POU2F2: variants seen among roughly 807,000 people sequenced by gnomAD.
POU2F2 encodes POU class 2 homeobox 2, also known as POU domain, class 2, transcription factor 2.
In POU2F2, 14 loss-of-function variants were observed where a neutral mutation model predicts 63.5. The observed-to-expected ratio is 0.22, with a 90% CI of 0.15 to 0.34. The LOEUF (loss-of-function observed/expected upper bound fraction) is 0.34. Ranked by LOEUF, POU2F2 falls within the 10% of genes least tolerant of loss-of-function variation. POU2F2 has a pLI of 1.00. For synonymous variants in POU2F2, 306 were observed against 348.6 expected, an observed-to-expected ratio of 0.88 and a Z score of 1.36; for missense variants, 607 against 815.2, an observed-to-expected ratio of 0.74 and a Z score of 3.11.
intron 1 of POU2F2, 151 bp downstream of exon 1, chr19:42,132,232 CG>C (rs2033813618): frequency 3.7e-6 from 3 of 811,594 alleles, no homozygotes; most frequent in Admixed American, 3.5e-5. Flanking sequence ...TGGGGGTTAG[CG>C]GGGACCCGGC....
chr19:42,155,143 C>T lies in POU2F2; in HGVS notation c.-9+5189G>A, dbSNP rs1296013588. On this transcript the variant is annotated intron_variant, in intron 2 of 6. Coordinates refer to the POU2F2 transcript ENST00000524801. This position sits in a 1 kb window ranked among gnomAD's most constrained non-coding sequence, Gnocchi z 4.2. ...CCACCTGCCTCAGCTGCAGCTGCCC[C>T]GCACTGTTTTTTCTTTCTCATTGTC... Among the ~76,000 whole-genome samples the T allele has an allele frequency of 6.6e-6, 1 of 152,208 alleles. No individual in the cohort carries two copies. Among genetic ancestry groups the T allele is most frequent in the Non-Finnish European group, 1.5e-5 (1 of 68,030 alleles).
chr19:42,088,725 A>G lies in POU2F2; in HGVS notation c.*2532T>C, dbSNP rs1304042705. The G allele has an allele frequency of 6.6e-6, 1 of 152,448 alleles. No individual in the cohort carries two copies. Among genetic ancestry groups the G allele is most frequent in the Non-Finnish European group, 1.5e-5 (1 of 67,972 alleles). 9.4% of individuals were successfully genotyped at this position (152,448 alleles called of 1,614,324 possible). ...TGCCAGTCCCTTCTCTCTTCAGGAAATAAACATGGACAAACTCAGAGGTAG... is the reference window on the plus strand; with the variant it reads ...TGCCAGTCCCTTCTCTCTTCAGGAAGTAAACATGGACAAACTCAGAGGTAG... On this transcript the variant is annotated 3_prime_UTR_variant, in exon 15 of 15. Coordinates refer to ENST00000692977, the MANE Select transcript of POU2F2 (RefSeq NM_001394376.1).
chr19:42,143,911 T>C (rs1568412143), intron 2 of POU2F2, among the ~76,000 whole-genome samples: 1 of 152,132 alleles, frequency 6.6e-6, no homozygotes. Flanking sequence ...CTCTACCAGG[T>C]TGCACTTTCT....
chr19:42,190,396 T>A (rs2035063054), intron 1 of POU2F2, among the ~76,000 whole-genome samples: 1 of 151,876 alleles, frequency 6.6e-6, no homozygotes, highest in Admixed American at 6.6e-5. Context: ...ACTGAAAGGG[T>A]AGGGTTGTAG....
At chr19:42,173,390 C>T (rs567339323) in intron 1 of POU2F2, among the ~76,000 whole-genome samples, 27 of 152,206 alleles carry the variant, frequency 1.8e-4, no homozygotes, top group African/African-American at 6.3e-4. Context: ...TATGATTATG[C>T]ACCAGGGCTA....
Position 42,099,806 on chromosome 19 carries a change from G to C in POU2F2, c.385C>G (p.Leu129Val). 1 of 1,570,688 alleles carries C rather than the reference G, an allele frequency of 6.4e-7. No homozygotes were observed. The highest frequency in any genetic ancestry group is 8.6e-7 in the Non-Finnish European group (1 of 1,156,792). The change falls in exon 6 of 15, where the codon CTC becomes GTC. Residue 129 changes from leucine to valine, a missense_variant. Physicochemically the swap from Leu to Val is conservative, Grantham distance 32 (BLOSUM62 1). Transcript: ENST00000692977. ...SQLAGDIQQL[L>V]QLQQLVLVPG... ...ACAAGCACCAGCTGCTGGAGCTGGAGGAGCTGCTGTATGTCCTGGCAGGGA... is the reference window on the plus strand; with the variant it reads ...ACAAGCACCAGCTGCTGGAGCTGGACGAGCTGCTGTATGTCCTGGCAGGGA...
intron 4 of POU2F2, among the ~76,000 whole-genome samples, chr19:42,119,140 A>C (rs1249470978): frequency 6.7e-6 from 1 of 149,824 alleles, no homozygotes; most frequent in African/African-American, 2.5e-5. Flanking sequence ...AAAAAGAGAG[A>C]GAGAGAGGTT....
rs116520866 is a variant in POU2F2, at chr19:42,128,331, T to A, written c.28+4053A>T. ...AACCCTAACTTAAATCTTTAAGGTA[T>A]GATTTCCTCTGCAGAGACTGTGGCT... is the stretch of plus-strand genomic sequence containing the variant. On this transcript the variant is annotated intron_variant, in intron 1 of 14. Transcript: ENST00000692977. Among the ~76,000 whole-genome samples, 1,197 of 152,328 alleles carry A rather than the reference T, an allele frequency of 7.9e-3. 16 individuals carry two copies. Among genetic ancestry groups the A allele is most frequent in the African/African-American group, 0.028 (1,146 of 41,566 alleles).
chr19:42,146,032 CA>C (rs1004458482), intron 2 of POU2F2, among the ~76,000 whole-genome samples: 628 of 49,756 alleles, frequency 0.013, 1 homozygote, highest in African/African-American at 0.021. Context: ...GACTCCGTCT[CA>C]AAAAAAAAAA....
chr19:42,129,412 C>A (rs1032551481), intron 1 of POU2F2, among the ~76,000 whole-genome samples: 6 of 152,116 alleles, frequency 3.9e-5, no homozygotes, highest in African/African-American at 1.4e-4. Flanking sequence ...TGCCCGACTG[C>A]CCCAGGCCTG....
In POU2F2 at chr19:42,144,991, G is replaced by A. The variant is rs560637241; in HGVS notation, c.-9+15341C>T. ...AACTTTAGAGTCACATAAATAGGTA[G>A]TTAAGTCCCAGCTGTGGGGCTAGGT... On this transcript the variant is annotated intron_variant, in intron 2 of 6. Coordinates refer to the POU2F2 transcript ENST00000524801. Among the ~76,000 whole-genome samples the A allele has an allele frequency of 1.1e-4, 17 of 152,380 alleles. No homozygotes were observed. In the South Asian group the frequency reaches 2.7e-3, roughly 24 times the overall value.
At chr19:42,129,247 C>T (rs2033480336) in intron 1 of POU2F2, among the ~76,000 whole-genome samples, 1 of 152,268 alleles carries the variant, frequency 6.6e-6, no homozygotes, top group South Asian at 2.1e-4. Flanking sequence ...CACCCCTCAT[C>T]ATAGGTAATG....
At chr19:42,188,047 G>C (rs945470475) in intron 1 of POU2F2, among the ~76,000 whole-genome samples, 1 of 151,976 alleles carries the variant, frequency 6.6e-6, no homozygotes, top group Admixed American at 6.6e-5. Context: ...AAAAGTGATG[G>C]GATATTACTT....
intron 2 of POU2F2, among the ~76,000 whole-genome samples, chr19:42,159,063 C>T (rs187419646): frequency 1.5e-3 from 221 of 152,286 alleles, no homozygotes; most frequent in Non-Finnish European, 2.0e-3. Context: ...ATGTGTTTTC[C>T]TGGGAGAAGC....
rs1404633658 is a variant in POU2F2, at chr19:42,092,375, T to C, written c.1265-105A>G. On this transcript the variant is annotated intron_variant, in intron 12 of 14. Coordinates refer to ENST00000692977, the MANE Select transcript of POU2F2 (RefSeq NM_001394376.1). The surrounding 1 kb of genome is among the most constrained non-coding windows in gnomAD (Gnocchi z 5.0). ...GTCCTCCCGCCCAGCTCACGCAGCA[T>C]CTCCTCAGTCAGAACAGCCTTAGAC... The C allele has an allele frequency of 4.9e-5, 43 of 871,826 alleles. 1 individual carries two copies. The East Asian group carries it at 1.1e-3, about 22-fold the overall frequency. The allele number at this position is 871,826 out of a possible 1,614,324, so 54.0% of individuals were successfully genotyped here. A position where few individuals can be genotyped will look rare whatever the true frequency, so the allele number is the denominator to read the frequency against.
chr19:42,086,856 AGTT>A lies in POU2F2; in HGVS notation c.*4398_*4400del, dbSNP rs1438012751. 3 of 152,212 alleles carry A rather than the reference AGTT, an allele frequency of 2.0e-5. No individual in the cohort carries two copies. Among genetic ancestry groups the A allele is most frequent in the African/African-American group, 7.2e-5 (3 of 41,446 alleles). 9.4% of individuals were successfully genotyped at this position (152,212 alleles called of 1,614,324 possible). A position where few individuals can be genotyped will look rare whatever the true frequency, so the allele number is the denominator to read the frequency against. ...GGGAGGGGTCACAGACATAGTAAATAGTTGTCTCCATCCCAGCAACACTTCTCT... is the reference window on the plus strand; with the variant it reads ...GGGAGGGGTCACAGACATAGTAAATAGTCTCCATCCCAGCAACACTTCTCT... On this transcript the variant is annotated 3_prime_UTR_variant, in exon 15 of 15. Transcript: ENST00000692977.
intron 1 of POU2F2, among the ~76,000 whole-genome samples, chr19:42,189,117 G>T (rs1266398409): frequency 2.0e-5 from 3 of 152,198 alleles, no homozygotes; most frequent in African/African-American, 7.2e-5. Context: ...AGTGAGTTGT[G>T]ACTCAAATGC....
rs1568382368 is a variant in POU2F2 at position 42,117,506 on chromosome 19, G to A, written c.187-74C>T. 1 of 685,380 alleles carries A rather than the reference G, an allele frequency of 1.5e-6. No homozygotes were observed. The highest frequency in any genetic ancestry group is 2.5e-6 in the Non-Finnish European group (1 of 397,538). The allele number at this position is 685,380 out of a possible 1,614,324, so 42.5% of individuals were successfully genotyped here. A position where few individuals can be genotyped will look rare whatever the true frequency, so the allele number is the denominator to read the frequency against. ...CACAGGAGGAGCAGACTGGGGTGTG[G>A]ACATGAGGGTGCAGTCTGTGGTCCT... On this transcript the variant is annotated intron_variant, in intron 4 of 14. Coordinates refer to ENST00000692977, the MANE Select transcript of POU2F2 (RefSeq NM_001394376.1). The surrounding 1 kb of genome is among the most constrained non-coding windows in gnomAD (Gnocchi z 4.4).
chr19:42,089,710 T>TTATATATATATATATATATATATGTTTA lies in POU2F2; in HGVS notation c.*1546_*1547insTAAACATATATATATATATATATATATA, dbSNP rs547490098. On this transcript the variant is annotated 3_prime_UTR_variant, in exon 15 of 15. Coordinates refer to ENST00000692977, the MANE Select transcript of POU2F2 (RefSeq NM_001394376.1). ...GAAGAGTCCTCATCTTCTTTCCCTTTTATATATATATATATATATATGTTT... is the reference window on the plus strand; with the variant it reads ...GAAGAGTCCTCATCTTCTTTCCCTTTTATATATATATATATATATATATGTTTATATATATATATATATATATATGTTT... 7.0e-6 allele frequency: 1 copy of TTATATATATATATATATATATATGTTTA among 143,712 alleles called. No homozygotes were observed. Among genetic ancestry groups the TTATATATATATATATATATATATGTTTA allele is most frequent in the South Asian group, 2.2e-4 (1 of 4,564 alleles). 8.9% of individuals were successfully genotyped at this position (143,712 alleles called of 1,614,324 possible). A position where few individuals can be genotyped will look rare whatever the true frequency, so the allele number is the denominator to read the frequency against.
Sources: gnomAD v4.1 joint callset for allele counts (sites outside exome capture counted in the v4.1 genomes callset) on GRCh38, gnomAD v4.1.1 for gene constraint, Gnocchi (gnomAD v3.1) non-coding constraint, MANE v1.5 for transcripts, NCBI Gene and HGNC (gene_info 2026-07-23, HGNC 2026-07-21) for gene names.